The following KRT6A variants were observed in gnomAD, a reference collection of about 807,000 sequenced individuals.
KRT6A encodes the protein keratin, type II cytoskeletal 6A.
Under a neutral mutation model 48.6 loss-of-function variants are expected in KRT6A, and 28 were observed. That is an observed-to-expected ratio of 0.58 (90% CI 0.43 to 0.79). The LOEUF (loss-of-function observed/expected upper bound fraction) is 0.79. Ranked by LOEUF, KRT6A falls within the 30% of genes least tolerant of loss-of-function variation. The pLI is 0.00. For missense variants in KRT6A, 687 were observed against 724.3 expected (o/e 0.95, Z 0.59); for synonymous variants, 301 against 294.2 (o/e 1.02, Z -0.24).
rs1223014376 is a variant in KRT6A, at chr12:52,489,970, T to A, written c.1176A>T (p.Arg392Ser). 2 of 1,614,106 alleles carry A rather than the reference T, an allele frequency of 1.2e-6. No individual in the cohort carries two copies. Among genetic ancestry groups the A allele is most frequent in the South Asian group, 1.1e-5 (1 of 91,084 alleles). ...AEINRMIQRL[R>S]SEIDHVKKQC... ...GCTTCTTGACGTGGTCGATCTCAGA[T>A]CTCAGCCTCTGGATCATGCGGTTGA... is the stretch of plus-strand genomic sequence containing the variant. The change falls in exon 6 of 9, where the codon AGA (arginine) becomes AGT (serine). Residue 392 changes from arginine (R) to serine (S), a missense_variant. By Grantham distance (110) the Arg-to-Ser change is moderately radical (BLOSUM62 -1). Around this residue, in one of 3 missense-constraint regions of KRT6A, gnomAD observed 566 missense variants for 565.3 expected, o/e 1.00. Coordinates refer to ENST00000330722, the MANE Select transcript of KRT6A (RefSeq NM_005554.4).
chr12:52,491,383 G>T, intron 2 of KRT6A, 139 bp downstream of exon 2: 1 of 1,357,830 alleles, frequency 7.4e-7, no homozygotes. Context: ...TTGCAGGTTT[G>T]CTCCTAGGGA....
intron 6 of KRT6A, among the ~76,000 whole-genome samples, chr12:52,489,185 C>A (rs1184863274): frequency 1.3e-5 from 2 of 152,250 alleles, no homozygotes; most frequent in Non-Finnish European, 2.9e-5. Context: ...GCTTGTCCAA[C>A]CTACAGCCCA....
At position 52,493,127 on chromosome 12, in the gene KRT6A, T is replaced by G. The variant is rs17845411; in HGVS notation, c.62A>C (p.Asn21Thr). The change falls in exon 1 of 9, where the codon AAC becomes ACC. Residue 21 changes from asparagine (N) to threonine (T), a missense_variant. Coordinates refer to ENST00000330722, the MANE Select transcript of KRT6A (RefSeq NM_005554.4). ...HSSSRRGFSA[N>T]SARLPGVSRS... Reference sequence around the variant, plus strand: ...GCTGACCCCAGGGAGCCTGGCTGAGTTGGCACTGAAACCCCGGCGGCTGCT... The same window carrying G: ...GCTGACCCCAGGGAGCCTGGCTGAGGTGGCACTGAAACCCCGGCGGCTGCT... The G allele has an allele frequency of 6.2e-7, 1 of 1,613,698 alleles. No homozygotes were observed. Among genetic ancestry groups the G allele is most frequent in the Non-Finnish European group, 8.5e-7 (1 of 1,179,944 alleles).
Position 52,490,973 on chromosome 12 carries a change from C to G in KRT6A, c.817-20G>C. 6.2e-7 allele frequency: 1 copy of G among 1,613,870 alleles called. No homozygotes were observed. Among genetic ancestry groups the G allele is most frequent in the Non-Finnish European group, 8.5e-7 (1 of 1,179,850 alleles). Reference sequence around the variant, plus strand: ...CACATCCTGGGGAAAGAGCCAACAACCTGGAGTTACCTGAGCTCACCTTTC... The same window carrying G: ...CACATCCTGGGGAAAGAGCCAACAAGCTGGAGTTACCTGAGCTCACCTTTC... On this transcript the variant is annotated intron_variant, in intron 3 of 8. Transcript: ENST00000330722.
At position 52,487,241 on chromosome 12, in the gene KRT6A, A is replaced by T. The variant is rs2120384492; in HGVS notation, c.*479T>A. 1 of 181,070 alleles carries T rather than the reference A, an allele frequency of 5.5e-6. No homozygotes were observed. Among genetic ancestry groups the T allele is most frequent in the Non-Finnish European group, 1.2e-5 (1 of 84,176 alleles). 11.2% of individuals were successfully genotyped at this position (181,070 alleles called of 1,614,324 possible). A position where few individuals can be genotyped will look rare whatever the true frequency, so the allele number is the denominator to read the frequency against. On this transcript the variant is annotated 3_prime_UTR_variant, in exon 9 of 9. Transcript: ENST00000330722. The stretch of plus-strand genomic sequence containing the variant: ...GAAGAGCACAGAAATCATCACAGAG[A>T]TACAGGCTTTGTACATCATAGGACT...
At chr12:52,491,759 A>AT (rs749460771) in intron 1 of KRT6A, 23 bp from the exon 2 acceptor site, 1 of 1,613,940 alleles carries the variant, frequency 6.2e-7, no homozygotes, top group Non-Finnish European at 8.5e-7. Context: ...CAAGATGATC[A>AT]TTTTCCAGGC....
rs777003645 is a variant in KRT6A, at chr12:52,492,799, G to A, written c.390C>T (p.Cys130=). The stretch of plus-strand genomic sequence containing the variant: ...TGACCTCTTGGATGCCTCCAGGGGG[G>A]CACACAGGGAAGCCAGGGCCCCCAA... The part of the protein sequence containing the change: ...GGFGGPGFPV[C]PPGGIQEVTV... Residue 130 remains cysteine (C), a synonymous_variant, in exon 1 of 9, where the codon TGC becomes TGT. Transcript: ENST00000330722. 7 of 1,613,316 alleles carry A rather than the reference G, an allele frequency of 4.3e-6. No homozygotes were observed. The South Asian group carries it at 4.4e-5, about 10-fold the overall frequency.
chr12:52,489,066 A>C (rs3858631), intron 6 of KRT6A, among the ~76,000 whole-genome samples: 3 of 151,988 alleles, frequency 2.0e-5, no homozygotes, highest in African/African-American at 7.3e-5. Flanking sequence ...AGCAGATTTG[A>C]AACAATGTTC....
chr12:52,491,768 G>T, intron 1 of KRT6A, 32 bp from the exon 2 acceptor site: 2 of 1,613,730 alleles, frequency 1.2e-6, no homozygotes, highest in Non-Finnish European at 1.7e-6. Flanking sequence ...CATTTTCCAG[G>T]CAAGGGAAGG....
chr12:52,490,309 C>A, intron 5 of KRT6A: 2 of 955,498 alleles, frequency 2.1e-6, no homozygotes, highest in Admixed American at 2.3e-5. Context: ...GTACCAATTT[C>A]TAAAAGCCAG....
At position 52,491,085 on chromosome 12, in the gene KRT6A, T is replaced by C. The variant is rs762434256; in HGVS notation, c.816+27A>G. The C allele has an allele frequency of 1.9e-6, 3 of 1,613,944 alleles. No individual in the cohort carries two copies. The Admixed American group carries it at 5.0e-5, about 27-fold the overall frequency. On this transcript the variant is annotated intron_variant, in intron 3 of 8. Coordinates refer to ENST00000330722, the MANE Select transcript of KRT6A (RefSeq NM_005554.4). ...AGCCACTTCTCTCCTTCTAAATGAA[T>C]TTGAACCCCCGGCTTCATCTGCTCA...
At chr12:52,491,769 C>T in intron 1 of KRT6A, 33 bp from the exon 2 acceptor site, 1 of 1,613,738 alleles carries the variant, frequency 6.2e-7, no homozygotes, top group African/African-American at 1.3e-5. Flanking sequence ...ATTTTCCAGG[C>T]AAGGGAAGGA....
At position 52,488,378 on chromosome 12, in the gene KRT6A, C is replaced by G; in HGVS notation, c.1374G>C (p.Leu458=). The G allele has an allele frequency of 6.2e-7, 1 of 1,614,172 alleles. No individual in the cohort carries two copies. The highest frequency in any genetic ancestry group is 8.5e-7 in the Non-Finnish European group (1 of 1,180,040). The change falls in exon 7 of 9, where the codon CTG becomes CTC. Residue 458 remains leucine (L), a synonymous_variant. Coordinates refer to ENST00000330722, the MANE Select transcript of KRT6A (RefSeq NM_005554.4). ...TGCGGTAGGTGGCGATCTCCACGTC[C>G]AGGGCCAGCTTGACATTCATCAGCT... ...YQELMNVKLA[L]DVEIATYRKL...
chr12:52,488,683 T>TA (rs1938197198), intron 6 of KRT6A, 135 bp from the exon 7 acceptor site: 1 of 1,166,034 alleles, frequency 8.6e-7, no homozygotes. Flanking sequence ...TCCTATCTAT[T>TA]GTTTTTTTTT....
intron 2 of KRT6A, 79 bp downstream of exon 2, chr12:52,491,443 C>G (rs546955587): frequency 7.8e-6 from 12 of 1,543,882 alleles, no homozygotes; most frequent in Non-Finnish European, 1.1e-5. Flanking sequence ...GGAATATTAC[C>G]CCCTTCTGGC....
At position 52,490,947 on chromosome 12, in the gene KRT6A, C is replaced by T. The variant is rs1169319426; in HGVS notation, c.823G>A (p.Asp275Asn). 1 of 1,613,856 alleles carries T rather than the reference C, an allele frequency of 6.2e-7. No individual in the cohort carries two copies. The highest frequency in any genetic ancestry group is 8.5e-7 in the Non-Finnish European group (1 of 1,179,900). ...TCAACCTTGTTCATGTAGGCAGCAT[C>T]CACATCCTGGGGAAAGAGCCAACAA... ...NEFVTLKKDV[D>N]AAYMNKVELQ... Residue 275 changes from aspartate to asparagine, a missense_variant, in exon 4 of 9, where the codon GAT (aspartate) becomes AAT (asparagine). Physicochemically the swap from Asp to Asn is conservative, Grantham distance 23. This residue lies in a region of KRT6A where 566 missense variants were observed against 565.3 expected (regional missense o/e 1.00). Coordinates refer to ENST00000330722, the MANE Select transcript of KRT6A (RefSeq NM_005554.4).
chr12:52,488,272 G>A, intron 7 of KRT6A, 56 bp downstream of exon 7: 1 of 1,613,926 alleles, frequency 6.2e-7, no homozygotes, highest in Non-Finnish European at 8.5e-7. Context: ...TGTGCTCAGT[G>A]CCAGGAACCT....
chr12:52,487,993 G>T, intron 8 of KRT6A, 38 bp from the exon 9 acceptor site: 1 of 1,614,180 alleles, frequency 6.2e-7, no homozygotes. Context: ...AGAAGCCATG[G>T]TGAGCTCATC....
In KRT6A at chr12:52,491,609, C is replaced by T. The variant is rs200977095; in HGVS notation, c.668G>A (p.Arg223Lys). 5.5e-5 allele frequency: 88 copies of T among 1,614,186 alleles called. No individual in the cohort carries two copies. The African/African-American group carries it at 1.1e-3, about 21-fold the overall frequency. ...TTCCCCGACAATGCTGTCCAGCTGC[C>T]TCCTGAGGTTGTTGATGTACTGCTC... The part of the protein sequence containing the change: ...LFEQYINNLR[R>K]QLDSIVGERG... The change falls in exon 2 of 9, where the codon AGG becomes AAG. Residue 223 changes from arginine to lysine, a missense_variant. This residue lies in a region of KRT6A where 566 missense variants were observed against 565.3 expected (regional missense o/e 1.00). Coordinates refer to ENST00000330722, the MANE Select transcript of KRT6A (RefSeq NM_005554.4).
Sources: gnomAD v4.1 joint callset for allele counts (sites outside exome capture counted in the v4.1 genomes callset) on GRCh38, gnomAD v4.1.1 for gene constraint, gnomAD v4.1.1 regional missense constraint, MANE v1.5 for transcripts, NCBI Gene and HGNC (gene_info 2026-07-23, HGNC 2026-07-21) for gene names.